The following CACNA2D3 variants were observed in gnomAD, a reference collection of about 807,000 sequenced individuals.
CACNA2D3 encodes the protein voltage-dependent calcium channel subunit alpha-2/delta-3.
Under a neutral mutation model 160.6 loss-of-function variants are expected in CACNA2D3, and 60 were observed. The ratio of observed to expected loss-of-function variants is 0.37; its 90% confidence interval spans 0.30 to 0.46. The LOEUF (loss-of-function observed/expected upper bound fraction) is 0.46. Ranked by LOEUF, CACNA2D3 falls within the 20% of genes least tolerant of loss-of-function variation. CACNA2D3 has a pLI of 1.00. For missense variants in CACNA2D3, 1,205 were observed against 1,365.0 expected (o/e 0.88, Z 1.85); for synonymous variants, 558 against 492.9 (o/e 1.13, Z -1.75).
intron 12 of CACNA2D3, among the ~76,000 whole-genome samples, chr3:54,758,702 C>T (rs1275119870): frequency 1.3e-5 from 2 of 152,192 alleles, no homozygotes; most frequent in East Asian, 3.9e-4. Flanking sequence ...GCATCACCTT[C>T]ACTGCCCTGC....
intron 4 of CACNA2D3, among the ~76,000 whole-genome samples, chr3:54,493,050 T>A (rs1025361048): frequency 7.0e-6 from 1 of 142,158 alleles, no homozygotes; most frequent in South Asian, 2.3e-4. Context: ...GTGGGAGGTA[T>A]TGCTCAAAAC....
chr3:54,676,623 G>T (rs1700249668), intron 11 of CACNA2D3, among the ~76,000 whole-genome samples: 1 of 152,170 alleles, frequency 6.6e-6, no homozygotes, highest in Admixed American at 6.5e-5. Context: ...CATTGGAATT[G>T]CCCTTCCCAT....
rs537351652 is a variant in CACNA2D3 at position 54,797,209 on chromosome 3, A to G, written c.1381-19644A>G. 6.6e-5 allele frequency among the ~76,000 whole-genome samples: 10 copies of G among 152,348 alleles called. No homozygotes were observed. The South Asian group carries it at 1.2e-3, about 19-fold the overall frequency. On this transcript the variant is annotated intron_variant, in intron 13 of 37. Transcript: ENST00000474759. ...TGTTTCTAGGGTAAGTTCTAGATCA[A>G]CAAGAGACACAGGGTTGTCTTTCTT...
chr3:54,943,718 C>G (rs1216938269), intron 27 of CACNA2D3, among the ~76,000 whole-genome samples: 1 of 150,262 alleles, frequency 6.7e-6, no homozygotes, highest in Non-Finnish European at 1.5e-5. Context: ...GTATTTCTGC[C>G]TATTTCATCT....
chr3:54,781,193 A>AC (rs1702528954), intron 13 of CACNA2D3, among the ~76,000 whole-genome samples: 1 of 152,230 alleles, frequency 6.6e-6, no homozygotes, highest in South Asian at 2.1e-4. Context: ...GAATGCAGAG[A>AC]CACAGCAAGG....
intron 5 of CACNA2D3, among the ~76,000 whole-genome samples, chr3:54,526,459 G>T (rs992277214): frequency 6.6e-6 from 1 of 152,034 alleles, no homozygotes; most frequent in Non-Finnish European, 1.5e-5. Flanking sequence ...GCAACCCTGG[G>T]TACTGGTTTC....
intron 11 of CACNA2D3, among the ~76,000 whole-genome samples, chr3:54,709,305 G>A (rs1415056904): frequency 1.3e-5 from 2 of 151,600 alleles, no homozygotes; most frequent in African/African-American, 4.9e-5. Context: ...GTGAGCCACC[G>A]CACCCAGCCT....
chr3:54,298,351 G>A lies in CACNA2D3; in HGVS notation c.205-22091G>A, dbSNP rs546800244. ...TTTCTAGCACTCACACAGGGCATGT[G>A]CCGGGTTACGAGAAATAATTTTGAA... On this transcript the variant is annotated intron_variant, in intron 2 of 37. Transcript: ENST00000474759. Among the ~76,000 whole-genome samples, 12 of 152,358 alleles carry A rather than the reference G, an allele frequency of 7.9e-5. No individual in the cohort carries two copies. The East Asian group carries it at 2.3e-3, about 29-fold the overall frequency.
chr3:54,673,310 T>C (rs1700190729), intron 11 of CACNA2D3, among the ~76,000 whole-genome samples: 1 of 152,240 alleles, frequency 6.6e-6, no homozygotes, highest in Non-Finnish European at 1.5e-5. Context: ...TTGGAAATGC[T>C]GTGTGTAACA....
At chr3:54,945,355 G>A (rs1345101515) in intron 27 of CACNA2D3, among the ~76,000 whole-genome samples, 1 of 152,160 alleles carries the variant, frequency 6.6e-6, no homozygotes, top group African/African-American at 2.4e-5. Flanking sequence ...GTAGTATCTT[G>A]GCCTCGAAAG....
intron 13 of CACNA2D3, among the ~76,000 whole-genome samples, chr3:54,773,804 A>C (rs953532032): frequency 8.5e-5 from 13 of 152,208 alleles, no homozygotes; most frequent in South Asian, 2.1e-4. Flanking sequence ...AGTTGGTATT[A>C]TAAAACCATG....
chr3:54,520,415 C>A (rs1421496610), intron 5 of CACNA2D3, among the ~76,000 whole-genome samples: 1 of 152,166 alleles, frequency 6.6e-6, no homozygotes, highest in African/African-American at 2.4e-5. Flanking sequence ...TTGTCCCAAA[C>A]AAAAGAGCAG....
At chr3:54,980,539 T>C (rs1345813597) in intron 29 of CACNA2D3, among the ~76,000 whole-genome samples, 1 of 152,030 alleles carries the variant, frequency 6.6e-6, no homozygotes, top group Non-Finnish European at 1.5e-5. Context: ...TAGAACTGTT[T>C]CCTTGGTGGT....
At chr3:54,541,267 A>G (rs1701972202) in intron 5 of CACNA2D3, among the ~76,000 whole-genome samples, 1 of 134,704 alleles carries the variant, frequency 7.4e-6, no homozygotes, top group Non-Finnish European at 1.6e-5. Flanking sequence ...ACAGAGCAAG[A>G]CTCCGTCTCA....
In CACNA2D3 at chr3:54,378,190, C is replaced by T. The variant is rs118130703; in HGVS notation, c.322-8525C>T. Among the ~76,000 whole-genome samples the T allele has an allele frequency of 4.0e-3, 606 of 152,240 alleles. 20 individuals carry two copies. In the East Asian group the frequency reaches 0.074, roughly 19 times the overall value. On this transcript the variant is annotated intron_variant, in intron 3 of 37. Transcript: ENST00000474759. The stretch of plus-strand genomic sequence containing the variant: ...CCCCAACCTTTTTGGCATCAGGGAT[C>T]GGTTTCATGAAAGACAGTTTTTGCA...
At chr3:54,623,567 A>G (rs554264396) in intron 9 of CACNA2D3, among the ~76,000 whole-genome samples, 1 of 152,206 alleles carries the variant, frequency 6.6e-6, no homozygotes, top group South Asian at 2.1e-4. Context: ...GGCAAAACTC[A>G]CACATGTCCC....
At chr3:55,073,368 C>A (rs1704861113) in intron 35 of CACNA2D3, 77 bp from the exon 36 acceptor site, 4 of 1,071,012 alleles carry the variant, frequency 3.7e-6, no homozygotes, top group Non-Finnish European at 4.3e-6. Context: ...TTGCTACCAC[C>A]CAGGAGAGAA....
At chr3:54,497,966 C>T (rs952339259) in intron 4 of CACNA2D3, among the ~76,000 whole-genome samples, 1 of 150,964 alleles carries the variant, frequency 6.6e-6, no homozygotes, top group African/African-American at 2.4e-5. Context: ...TGTATTATCC[C>T]TTTATTTATA....
intron 2 of CACNA2D3, among the ~76,000 whole-genome samples, chr3:54,280,479 A>G (rs1379210908): frequency 1.3e-5 from 2 of 152,110 alleles, no homozygotes; most frequent in African/African-American, 2.4e-5. Context: ...AAGTTCCTGT[A>G]TTCATTAAAG....
Sources: gnomAD v4.1 joint callset for allele counts (sites outside exome capture counted in the v4.1 genomes callset) on GRCh38, gnomAD v4.1.1 for gene constraint, MANE v1.5 for transcripts, NCBI Gene and HGNC (gene_info 2026-07-23, HGNC 2026-07-21) for gene names.